Variants in RGS6 observed in about 807,000 individuals in gnomAD.
RGS6 encodes the protein regulator of G protein signaling 6.
A neutral mutation model predicts 78.5 loss-of-function variants in RGS6; 30 were observed. That is an observed-to-expected ratio of 0.38 (90% CI 0.29 to 0.52). The LOEUF (loss-of-function observed/expected upper bound fraction) is 0.52. RGS6 is among the 20% of genes least tolerant of loss of function. RGS6 has a pLI of 0.85. For synonymous variants in RGS6, 206 were observed against 206.0 expected (o/e 1.00, Z 0.00); for missense variants, 495 against 609.7 (o/e 0.81, Z 1.98).
chr14:72,101,135 G>A (rs888316498), intron 2 of RGS6, among the ~76,000 whole-genome samples: 11 of 152,174 alleles, frequency 7.2e-5, no homozygotes, highest in Non-Finnish European at 1.6e-4. Context: ...CCGTGATTAT[G>A]CTACTGCACT....
rs146514024 is a variant in RGS6, at chr14:72,412,135, A to T, written c.185-42393A>T. ...TTCTATTGACTGGAATGGTTTCAGA[A>T]GGAATGGTACCAGCTCCTCCTTGTA... On this transcript the variant is annotated intron_variant, in intron 3 of 17. Transcript: ENST00000553525. Among the ~76,000 whole-genome samples, 329 of 152,352 alleles carry T rather than the reference A, an allele frequency of 2.2e-3. 2 individuals are homozygous for T. Among genetic ancestry groups the T allele is most frequent in the African/African-American group, 7.3e-3 (303 of 41,584 alleles).
the RGS6 span, among the ~76,000 whole-genome samples, chr14:71,883,398 C>T: frequency 1.3e-5 from 2 of 152,170 alleles, no homozygotes; most frequent in South Asian, 4.1e-4. Context: ...ACAGAAAGTC[C>T]ATGAAAGCTA....
chr14:72,391,545 G>A (rs932494807), intron 3 of RGS6, among the ~76,000 whole-genome samples: 1 of 152,116 alleles, frequency 6.6e-6, no homozygotes, highest in African/African-American at 2.4e-5. Flanking sequence ...TCACCCCTGG[G>A]CCATTTCCGC....
At chr14:72,426,257 C>T (rs906175416) in intron 3 of RGS6, among the ~76,000 whole-genome samples, 2 of 152,142 alleles carry the variant, frequency 1.3e-5, no homozygotes, top group African/African-American at 2.4e-5. Context: ...TCTTCCATGA[C>T]CGCACTGAGA....
chr14:71,953,221 C>G, intron 1 of RGS6, among the ~76,000 whole-genome samples: 1 of 152,116 alleles, frequency 6.6e-6, no homozygotes, highest in East Asian at 1.9e-4. Context: ...CTTCCCAGGT[C>G]TTAGTGCCAT....
At chr14:72,060,602 A>AGAGCC (rs1311416986) in intron 2 of RGS6, among the ~76,000 whole-genome samples, 1 of 152,216 alleles carries the variant, frequency 6.6e-6, no homozygotes, top group East Asian at 1.9e-4. Context: ...ATCTGAGGTC[A>AGAGCC]GAGCCAGTTT....
At chr14:72,489,736 G>T (rs1351213646) in intron 12 of RGS6, among the ~76,000 whole-genome samples, 2 of 114,714 alleles carry the variant, frequency 1.7e-5, no homozygotes, top group African/African-American at 3.4e-5. Flanking sequence ...GAGGCAAGGC[G>T]AGGTGAGACG....
the RGS6 span, among the ~76,000 whole-genome samples, chr14:72,612,993 C>CGTGT: frequency 0.1 from 15,615 of 148,730 alleles, 926 homozygotes; most frequent in African/African-American, 0.16. Context: ...TTAAGTAGGG[C>CGTGT]GTGTGTGTGT....
At chr14:72,206,084 G>C (rs2042640134) in intron 2 of RGS6, among the ~76,000 whole-genome samples, 1 of 152,052 alleles carries the variant, frequency 6.6e-6, no homozygotes, top group Admixed American at 6.6e-5. Context: ...GTAAGAAAAC[G>C]TTGGAAACAA....
chr14:72,559,065 G>A (rs955349586), intron 17 of RGS6, among the ~76,000 whole-genome samples: 38 of 152,272 alleles, frequency 2.5e-4, no homozygotes, highest in African/African-American at 7.9e-4. Context: ...CTATGCAAAT[G>A]CCAGACACAG....
intron 2 of RGS6, among the ~76,000 whole-genome samples, chr14:72,174,074 C>T (rs1245233252): frequency 6.6e-6 from 1 of 151,972 alleles, no homozygotes; most frequent in African/African-American, 2.4e-5. Flanking sequence ...GCCCCTTGTG[C>T]TCCTGCACTC....
chr14:72,122,279 G>T (rs925308307), intron 2 of RGS6, among the ~76,000 whole-genome samples: 2 of 152,158 alleles, frequency 1.3e-5, no homozygotes, highest in African/African-American at 4.8e-5. Flanking sequence ...AGGCCTTTCT[G>T]CAGAGTTTGA....
rs564152268 is a variant in RGS6, at chr14:72,408,761, A to G, written c.185-45767A>G. ...AGAACAGAAAAGGACATATTACATAATCGGTGCATTTCTGTTAAAGTCATG... is the reference window on the plus strand; with the variant it reads ...AGAACAGAAAAGGACATATTACATAGTCGGTGCATTTCTGTTAAAGTCATG... On this transcript the variant is annotated intron_variant, in intron 3 of 17. Transcript: ENST00000553525. Among the ~76,000 whole-genome samples the G allele has an allele frequency of 9.2e-5, 14 of 152,314 alleles. 1 individual carries two copies. In the South Asian group the frequency reaches 2.9e-3, roughly 32 times the overall value.
intron 2 of RGS6, among the ~76,000 whole-genome samples, chr14:72,268,206 A>C (rs1025407516): frequency 2.6e-5 from 4 of 152,216 alleles, no homozygotes; most frequent in Admixed American, 2.6e-4. Context: ...GGGGGAGCTC[A>C]TCTTTCTGGA....
intron 2 of RGS6, among the ~76,000 whole-genome samples, chr14:72,086,777 G>A (rs539552801): frequency 6.6e-6 from 1 of 152,316 alleles, no homozygotes; most frequent in African/African-American, 2.4e-5. Flanking sequence ...TCCTTTGCAA[G>A]TAAGTGGCTG....
At chr14:72,178,671 C>T (rs2097136453) in intron 2 of RGS6, among the ~76,000 whole-genome samples, 1 of 152,074 alleles carries the variant, frequency 6.6e-6, no homozygotes, top group South Asian at 2.1e-4. Context: ...TTGCCAAAAG[C>T]CCTACTCAAG....
intron 2 of RGS6, among the ~76,000 whole-genome samples, chr14:72,110,339 T>C (rs2095728728): frequency 6.6e-6 from 1 of 152,204 alleles, no homozygotes; most frequent in Non-Finnish European, 1.5e-5. Flanking sequence ...TTCTTTTATA[T>C]GTAAAGTGTT....
intron 2 of RGS6, among the ~76,000 whole-genome samples, chr14:72,183,631 T>C (rs1039932400): frequency 5.3e-5 from 8 of 152,166 alleles, no homozygotes; most frequent in African/African-American, 1.2e-4. Flanking sequence ...TGAAAGAACA[T>C]GAATAATACG....
intron 3 of RGS6, among the ~76,000 whole-genome samples, chr14:72,375,682 A>G (rs1240376826): frequency 6.6e-6 from 1 of 152,096 alleles, no homozygotes; most frequent in Non-Finnish European, 1.5e-5. Flanking sequence ...CAGCAAGCCC[A>G]CCTCTGGAAA....
Sources: gnomAD v4.1 joint callset for allele counts (sites outside exome capture counted in the v4.1 genomes callset) on GRCh38, gnomAD v4.1.1 for gene constraint, MANE v1.5 for transcripts, NCBI Gene and HGNC (gene_info 2026-07-23, HGNC 2026-07-21) for gene names.